The following SNX8 variants were observed in gnomAD, a reference collection of about 807,000 sequenced individuals.
SNX8 encodes the protein sorting nexin-8.
In SNX8, 25 loss-of-function variants were observed where a neutral mutation model predicts 51.6. The observed-to-expected ratio is 0.48, with a 90% CI of 0.35 to 0.68. The LOEUF (loss-of-function observed/expected upper bound fraction) is 0.68, where lower values mean the gene tolerates loss of function less well. SNX8 is among the 30% of genes least tolerant of loss of function. The pLI is 0.00. For synonymous variants in SNX8, 324 were observed against 277.0 expected (o/e 1.17, Z -1.68); for missense variants, 695 against 624.0 (o/e 1.11, Z -1.21).
chr7:2,277,949 A>G, intron 2 of SNX8, 151 bp downstream of exon 2: 1 of 1,295,456 alleles, frequency 7.7e-7, no homozygotes, highest in Non-Finnish European at 1.0e-6. Context: ...CCGCAGCCTG[A>G]CTCTGCTGCG....
intron 6 of SNX8, among the ~76,000 whole-genome samples, chr7:2,263,877 G>T (rs1795398975): frequency 6.6e-6 from 1 of 152,010 alleles, no homozygotes; most frequent in Non-Finnish European, 1.5e-5. Flanking sequence ...CACGCCCAGA[G>T]AACTTTTTTT....
intron 1 of SNX8, among the ~76,000 whole-genome samples, chr7:2,346,743 A>AG (rs1284215643): frequency 7.0e-6 from 1 of 142,072 alleles, no homozygotes; most frequent in Admixed American, 6.9e-5. Context: ...GTCTCAAAAA[A>AG]AAAAAAAAAA....
intron 1 of SNX8, among the ~76,000 whole-genome samples, chr7:2,304,913 G>C (rs145145188): frequency 6.6e-6 from 1 of 152,132 alleles, no homozygotes; most frequent in Non-Finnish European, 1.5e-5. Flanking sequence ...GTGAAATTTC[G>C]GTCCTGAAGA....
At chr7:2,314,241 C>G in intron 1 of SNX8, 87 bp downstream of exon 1, 1 of 1,199,542 alleles carries the variant, frequency 8.3e-7, no homozygotes, top group Non-Finnish European at 1.0e-6. Flanking sequence ...AGTCGGGGAC[C>G]AAGCGCGGCG....
Position 2,314,311 on chromosome 7 carries a change from G to A in SNX8, c.94+17C>T. ...GCGCCCTGGGCAGGTGGGGGCTACC[G>A]CCGCCCCACGCCCTACCTGACGCCG... On this transcript the variant is annotated intron_variant, in intron 1 of 10. Transcript: ENST00000222990. 3 of 1,220,510 alleles carry A rather than the reference G, an allele frequency of 2.5e-6. No individual in the cohort carries two copies. Among genetic ancestry groups the A allele is most frequent in the Non-Finnish European group, 3.1e-6 (3 of 980,544 alleles). The allele number at this position is 1,220,510 out of a possible 1,614,324, so 75.6% of individuals were successfully genotyped here.
At chr7:2,262,403 G>T (rs115743847) in intron 7 of SNX8, among the ~76,000 whole-genome samples, 1 of 152,134 alleles carries the variant, frequency 6.6e-6, no homozygotes, top group East Asian at 1.9e-4. Flanking sequence ...AGTAAACACC[G>T]TATCTTCAAA....
At chr7:2,277,123 C>T (rs914702745) in intron 2 of SNX8, among the ~76,000 whole-genome samples, 1 of 152,206 alleles carries the variant, frequency 6.6e-6, no homozygotes, top group African/African-American at 2.4e-5. Flanking sequence ...TGACTCCACA[C>T]CTCCCAAGGA....
chr7:2,351,642 C>CT (rs1779140986), intron 1 of SNX8, among the ~76,000 whole-genome samples: 1 of 151,596 alleles, frequency 6.6e-6, no homozygotes, highest in Admixed American at 6.6e-5. Flanking sequence ...ACCATCCTGA[C>CT]TAACAGGATG....
chr7:2,281,431 G>T (rs1232403834), intron 1 of SNX8, among the ~76,000 whole-genome samples: 1 of 148,798 alleles, frequency 6.7e-6, no homozygotes. Flanking sequence ...AAAACAAAAA[G>T]GAAAAAAAAA....
At chr7:2,295,367 G>C (rs1270138653) in intron 1 of SNX8, among the ~76,000 whole-genome samples, 2 of 142,644 alleles carry the variant, frequency 1.4e-5, no homozygotes, top group Non-Finnish European at 3.0e-5. Flanking sequence ...TCGTGCCATT[G>C]CACCCAGCCC....
At chr7:2,311,209 T>C (rs1796651342) in intron 1 of SNX8, among the ~76,000 whole-genome samples, 1 of 152,130 alleles carries the variant, frequency 6.6e-6, no homozygotes, top group Non-Finnish European at 1.5e-5. Flanking sequence ...AGTTCCCACA[T>C]GAATACCACC....
chr7:2,327,137 G>C (rs1229253016), intron 1 of SNX8, among the ~76,000 whole-genome samples: 1 of 151,974 alleles, frequency 6.6e-6, no homozygotes, highest in Non-Finnish European at 1.5e-5. Context: ...TCTCCTAGGG[G>C]GTTCCTGGTT....
Position 2,278,296 on chromosome 7 carries a change from G to C in SNX8, c.104C>G (p.Thr35Arg). ...EADPPASDLP[T>R]PQAIEPQAIV... ...GGCCTGGGGCTCGATGGCCTGGGGT[G>C]TCGGCAGATCTGCAGGGGAGATGGT... is the stretch of plus-strand genomic sequence containing the variant. The change falls in exon 2 of 11, where the codon ACA becomes AGA. Residue 35 changes from threonine (T) to arginine (R), a missense_variant. Thr to Arg is a moderately conservative substitution (Grantham distance 71). Coordinates refer to ENST00000222990, the MANE Select transcript of SNX8 (RefSeq NM_013321.4). 1 of 1,568,432 alleles carries C rather than the reference G, an allele frequency of 6.4e-7. No homozygotes were observed. The highest frequency in any genetic ancestry group is 1.7e-4 in the Middle Eastern group (1 of 5,904).
In SNX8 at chr7:2,350,872, C is replaced by T. The variant is rs534084462; in HGVS notation, c.-66+3350G>A. Among the ~76,000 whole-genome samples the T allele has an allele frequency of 3.3e-5, 5 of 152,276 alleles. No homozygotes were observed. The South Asian group carries it at 1.0e-3, about 32-fold the overall frequency. ...ATGTTGGCCAGGCTAGTCTTGAACTCCTGACCTCAAGTGATCCTCCTGCCT... is the reference window on the plus strand; with the variant it reads ...ATGTTGGCCAGGCTAGTCTTGAACTTCTGACCTCAAGTGATCCTCCTGCCT... On this transcript the variant is annotated intron_variant, in intron 1 of 5. Coordinates refer to the SNX8 transcript ENST00000435336.
chr7:2,304,476 G>A (rs1324207734), intron 1 of SNX8, among the ~76,000 whole-genome samples: 43 of 151,944 alleles, frequency 2.8e-4, no homozygotes, highest in South Asian at 2.1e-4. Flanking sequence ...CCCGGGAGGC[G>A]GAGCTTGCAG....
intron 1 of SNX8, among the ~76,000 whole-genome samples, chr7:2,285,868 C>T (rs899712619): frequency 1.3e-5 from 2 of 151,464 alleles, no homozygotes; most frequent in African/African-American, 4.9e-5. Context: ...TGTAGATATG[C>T]GGGGGGGTCT....
intron 1 of SNX8, among the ~76,000 whole-genome samples, chr7:2,314,012 T>A (rs1436356884): frequency 6.6e-6 from 1 of 152,184 alleles, no homozygotes; most frequent in East Asian, 1.9e-4. Context: ...AGGAGGAAAC[T>A]GTCCCCGAGG....
intron 1 of SNX8, among the ~76,000 whole-genome samples, chr7:2,294,200 T>C (rs1339826590): frequency 6.6e-6 from 1 of 151,676 alleles, no homozygotes; most frequent in Non-Finnish European, 1.5e-5. Context: ...GAGGCAGAGG[T>C]TGCAGTGAGC....
chr7:2,281,668 A>G (rs1795909227), intron 1 of SNX8, among the ~76,000 whole-genome samples: 1 of 152,126 alleles, frequency 6.6e-6, no homozygotes, highest in African/African-American at 2.4e-5. Context: ...ACAGAGAGAA[A>G]ACAGATGAGA....
Sources: allele counts gnomAD v4.1 joint callset (sites outside exome capture counted in the v4.1 genomes callset), GRCh38; gene constraint gnomAD v4.1.1; transcripts MANE v1.5; gene names NCBI Gene and HGNC (gene_info 2026-07-23, HGNC 2026-07-21).